ERC2: variants seen among roughly 807,000 people sequenced by gnomAD.
ERC2 encodes ELKS/RAB6-interacting/CAST family member 2, also known as ERC protein 2.
Under a neutral mutation model 114.8 loss-of-function variants are expected in ERC2, and 42 were observed. The observed-to-expected ratio is 0.37, with a 90% CI of 0.29 to 0.47. ERC2 has a LOEUF of 0.47. ERC2 is among the 20% of genes least tolerant of loss of function. ERC2 has a pLI of 0.99. For synonymous variants in ERC2, 454 were observed against 425.5 expected (o/e 1.07, Z -0.82); for missense variants, 939 against 1,150.7 (o/e 0.82, Z 2.66).
chr3:56,013,978 A>G (rs1283993878), intron 8 of ERC2, among the ~76,000 whole-genome samples: 1 of 152,194 alleles, frequency 6.6e-6, no homozygotes, highest in Non-Finnish European at 1.5e-5. Flanking sequence ...GAACCTTGCC[A>G]GTTCCTATCC....
At chr3:55,835,522 T>C (rs1485790911) in intron 14 of ERC2, among the ~76,000 whole-genome samples, 5 of 152,212 alleles carry the variant, frequency 3.3e-5, no homozygotes, top group Admixed American at 1.3e-4. Flanking sequence ...TCTCAATAGA[T>C]GCAGAAAAGG....
chr3:55,562,133 C>G (rs2056066009), intron 17 of ERC2, among the ~76,000 whole-genome samples: 1 of 152,156 alleles, frequency 6.6e-6, no homozygotes, highest in Non-Finnish European at 1.5e-5. Context: ...GTTCTTTAAG[C>G]TGAAAAATTC....
At chr3:55,785,144 G>A (rs2069385096) in intron 14 of ERC2, among the ~76,000 whole-genome samples, 1 of 152,216 alleles carries the variant, frequency 6.6e-6, no homozygotes, top group African/African-American at 2.4e-5. Context: ...TGACCCAAAG[G>A]GAATGACTGA....
intron 3 of ERC2, among the ~76,000 whole-genome samples, chr3:56,265,168 T>C (rs953493348): frequency 1.3e-5 from 2 of 151,712 alleles, no homozygotes; most frequent in African/African-American, 4.8e-5. Context: ...GGAAGAAAAA[T>C]AAAGTGGAGG....
At position 55,654,426 on chromosome 3, in the gene ERC2, C is replaced by A. The variant is rs148729518; in HGVS notation, c.*39+29368G>T. Among the ~76,000 whole-genome samples the A allele has an allele frequency of 3.8e-3, 572 of 152,338 alleles. 4 individuals are homozygous for A. The highest frequency in any genetic ancestry group is 0.013 in the African/African-American group (542 of 41,560). On this transcript the variant is annotated intron_variant, in intron 17 of 17. Coordinates refer to ENST00000288221, the MANE Select transcript of ERC2 (RefSeq NM_015576.3). ...CTTGTTTCAGAGCTGAAGTTTCAAGCATGCATCTGGACAAAATATGCTTTC... is the reference window on the plus strand; with the variant it reads ...CTTGTTTCAGAGCTGAAGTTTCAAGAATGCATCTGGACAAAATATGCTTTC...
intron 12 of ERC2, among the ~76,000 whole-genome samples, chr3:55,957,041 G>T (rs2068007621): frequency 6.6e-6 from 1 of 152,102 alleles, no homozygotes; most frequent in South Asian, 2.1e-4. Context: ...TACCAGGCCA[G>T]CAGGACACAC....
chr3:56,011,443 C>T (rs9847697), intron 8 of ERC2, among the ~76,000 whole-genome samples: 5,927 of 152,178 alleles, frequency 0.039, 254 homozygotes, highest in African/African-American at 0.11. Context: ...ATCCCAGGCT[C>T]TCTGACTGTC....
At chr3:56,068,329 G>A (rs2076574972) in intron 7 of ERC2, among the ~76,000 whole-genome samples, 1 of 152,148 alleles carries the variant, frequency 6.6e-6, no homozygotes, top group Admixed American at 6.6e-5. Context: ...TTTGCATAGA[G>A]GTGTTTGTAC....
chr3:55,571,841 T>C (rs2056731078), intron 17 of ERC2, among the ~76,000 whole-genome samples: 1 of 152,216 alleles, frequency 6.6e-6, no homozygotes, highest in Admixed American at 6.5e-5. Context: ...CAGTAGGTGC[T>C]CAATTAATAC....
intron 13 of ERC2, among the ~76,000 whole-genome samples, chr3:55,920,271 C>T (rs1026626503): frequency 6.6e-6 from 1 of 151,968 alleles, no homozygotes; most frequent in Non-Finnish European, 1.5e-5. Context: ...GATTTCATTA[C>T]ACTATTTTCT....
chr3:56,070,755 AAAG>A (rs1263104674), intron 7 of ERC2, among the ~76,000 whole-genome samples: 1 of 152,244 alleles, frequency 6.6e-6, no homozygotes, highest in African/African-American at 2.4e-5. Flanking sequence ...TAGAAGACGT[AAAG>A]AATAGAAAAG....
At chr3:56,397,363 AAAG>A (rs1012036842) in intron 2 of ERC2, among the ~76,000 whole-genome samples, 8 of 149,142 alleles carry the variant, frequency 5.4e-5, no homozygotes, top group East Asian at 2.0e-4. Flanking sequence ...AAAAAAAAAA[AAAG>A]AAGAAGAAGA....
intron 13 of ERC2, among the ~76,000 whole-genome samples, chr3:55,938,760 TC>T (rs1212789441): frequency 5.3e-5 from 8 of 152,366 alleles, no homozygotes; most frequent in Non-Finnish European, 1.0e-4. Context: ...TGCTTCATTT[TC>T]AACCCGTATA....
chr3:56,266,751 A>T (rs547520070), intron 3 of ERC2, among the ~76,000 whole-genome samples: 1 of 152,318 alleles, frequency 6.6e-6, no homozygotes, highest in African/African-American at 2.4e-5. Flanking sequence ...AAATAAGCAA[A>T]CAAACAAGAG....
At chr3:56,261,390 TAA>T (rs2052915494) in intron 3 of ERC2, among the ~76,000 whole-genome samples, 1 of 152,200 alleles carries the variant, frequency 6.6e-6, no homozygotes, top group Non-Finnish European at 1.5e-5. Context: ...GGACAGTCAA[TAA>T]AGACTCACTA....
At chr3:55,683,938 G>A (rs2062190732) in intron 16 of ERC2, 79 bp from the exon 17 acceptor site, 9 of 1,480,856 alleles carry the variant, frequency 6.1e-6, no homozygotes, top group Middle Eastern at 1.8e-4. Context: ...TAGTTACACC[G>A]AGATGCACTG....
intron 14 of ERC2, among the ~76,000 whole-genome samples, chr3:55,769,687 A>T (rs9857120): frequency 6.6e-6 from 1 of 151,934 alleles, no homozygotes; most frequent in African/African-American, 2.4e-5. Context: ...ACCAATATAC[A>T]TTACATATTG....
intron 6 of ERC2, among the ~76,000 whole-genome samples, chr3:56,095,841 C>T (rs2078033445): frequency 1.3e-5 from 2 of 152,256 alleles, no homozygotes; most frequent in South Asian, 4.2e-4. Flanking sequence ...GAAGAATTAT[C>T]CATGGTGGTA....
intron 3 of ERC2, among the ~76,000 whole-genome samples, chr3:56,290,460 G>A (rs893731803): frequency 1.3e-5 from 2 of 152,152 alleles, no homozygotes; most frequent in African/African-American, 4.8e-5. Context: ...GTAAAAGATC[G>A]TGTATATAAA....
Sources: allele counts gnomAD v4.1 joint callset (sites outside exome capture counted in the v4.1 genomes callset), GRCh38; gene constraint gnomAD v4.1.1; transcripts MANE v1.5; gene names NCBI Gene and HGNC (gene_info 2026-07-23, HGNC 2026-07-21).